The following SETDB1 variants were observed in gnomAD, a reference collection of about 807,000 sequenced individuals.
SETDB1 encodes the protein SET domain bifurcated histone lysine methyltransferase 1, also known as histone-lysine N-methyltransferase SETDB1.
SETDB1 carries 31 observed loss-of-function variants against 137.4 expected under a neutral mutation model. The ratio of observed to expected loss-of-function variants is 0.23; its 90% CI spans 0.17 to 0.30. SETDB1 has a LOEUF of 0.30. Ranked by LOEUF, SETDB1 falls within the 10% of genes least tolerant of loss-of-function variation. The pLI is 1.00. For synonymous variants in SETDB1, 548 were observed against 579.9 expected, an observed-to-expected ratio of 0.95 and a Z score of 0.79; for missense variants, 1,113 against 1,631.5, an observed-to-expected ratio of 0.68 and a Z score of 5.47.
rs746384059 is a variant in SETDB1, at chr1:150,927,835, C to T, written c.121C>T (p.Arg41Trp). 5 of 1,614,174 alleles carry T rather than the reference C, an allele frequency of 3.1e-6. No individual in the cohort carries two copies. The highest frequency in any genetic ancestry group is 4.2e-6 in the Non-Finnish European group (5 of 1,180,038). ...ACTGGGTATCTCTATGGAGGAACTT[C>T]GGCATTTCATCGATGAGGAACTGGA... ...EELGISMEEL[R>W]HFIDEELEKM... The change falls in exon 2 of 22, where the codon CGG becomes TGG. Residue 41 changes from arginine to tryptophan, a missense_variant. Arg to Trp is a moderately radical substitution (Grantham distance 101). Transcript: ENST00000692827.
rs1404775873 is a variant in SETDB1, at chr1:150,959,219, T to C, written c.2375T>C (p.Met792Thr). Reference sequence around the variant, plus strand: ...AAACGCTGCAAATGTGACCCAAACATGTGCACAAACCGGTTGGTGCAACAT... The same window carrying C: ...AAACGCTGCAAATGTGACCCAAACACGTGCACAAACCGGTTGGTGCAACAT... Reference protein sequence around the residue: ...CNKRCKCDPNMCTNRLVQHGL... With the variant: ...CNKRCKCDPNTCTNRLVQHGL... The change falls in exon 15 of 22, where the codon ATG becomes ACG. Residue 792 changes from methionine (M) to threonine (T), a missense_variant. Physicochemically the swap from Met to Thr is moderately conservative, Grantham distance 81. This residue lies in a region of SETDB1 where 81 missense variants were observed against 123.4 expected (regional missense o/e 0.66). Coordinates refer to ENST00000692827, the MANE Select transcript of SETDB1 (RefSeq NM_001366418.1). The C allele has an allele frequency of 6.3e-6, 10 of 1,598,106 alleles. No homozygotes were observed. The highest frequency in any genetic ancestry group is 2.3e-5 in the South Asian group (2 of 87,312).
chr1:150,928,250 G>A, intron 2 of SETDB1: 1 of 407,028 alleles, frequency 2.5e-6, no homozygotes, highest in Non-Finnish European at 4.5e-6. Flanking sequence ...GTAGAGACAG[G>A]GTTTCACCAT....
At chr1:150,955,080 A>G (rs1225992558) in intron 14 of SETDB1, among the ~76,000 whole-genome samples, 5 of 152,232 alleles carry the variant, frequency 3.3e-5, no homozygotes, top group Non-Finnish European at 7.3e-5. Context: ...GGGAGATCAT[A>G]GGATGAATTT....
intron 6 of SETDB1, 78 bp downstream of exon 6, chr1:150,942,766 C>T: frequency 6.3e-7 from 1 of 1,596,788 alleles, no homozygotes; most frequent in South Asian, 1.1e-5. Context: ...TTCCCCATAA[C>T]CTTCCCATTT....
chr1:150,930,331 C>G, intron 3 of SETDB1: 1 of 462,986 alleles, frequency 2.2e-6, no homozygotes, highest in Non-Finnish European at 3.9e-6. Flanking sequence ...CTTTGCTTTC[C>G]TCATTCTGTG....
rs538993878 is a variant in SETDB1, at chr1:150,933,743, A to ATTTTTC, written c.412+3661_412+3666dup. 8.5e-4 allele frequency among the ~76,000 whole-genome samples: 85 copies of ATTTTTC among 100,564 alleles called. 2 individuals carry two copies. The highest frequency in any genetic ancestry group is 2.9e-3 in the African/African-American group (76 of 25,820). 66.0% of individuals were successfully genotyped at this position (100,564 alleles called of 152,430 possible). ...TCAGAAAACCACTGTCATTCTTCTG[A>ATTTTTC]TTTTTCTTTTTCTTTTTCTTTTTCT... is the stretch of plus-strand genomic sequence containing the variant. On this transcript the variant is annotated intron_variant, in intron 3 of 21. Transcript: ENST00000692827.
Position 150,960,890 on chromosome 1 carries a change from C to T in SETDB1, c.2831C>T (p.Thr944Ile), listed in dbSNP as rs966900297. The T allele has an allele frequency of 4.3e-6, 7 of 1,611,924 alleles. No individual in the cohort carries two copies. The highest frequency in any genetic ancestry group is 1.3e-5 in the African/African-American group (1 of 75,002). ...AAAGAGAACGGACTCTCTGAGACAA[C>T]TTCCAAGGACTCCCACCCCCCAGAT... ...GQKENGLSET[T>I]SKDSHPPDLG... The change falls in exon 16 of 22, where the codon ACT becomes ATT. Residue 944 changes from threonine to isoleucine, a missense_variant. Thr to Ile is a moderately conservative substitution (Grantham distance 89). Transcript: ENST00000692827.
intron 3 of SETDB1, among the ~76,000 whole-genome samples, chr1:150,933,045 TTGAA>T (rs57070760): frequency 8.6e-5 from 13 of 151,066 alleles, no homozygotes; most frequent in South Asian, 6.3e-4. Context: ...TTTAGTCTTT[TTGAA>T]TGAATGAATG....
chr1:150,949,572 C>T, intron 12 of SETDB1, 47 bp downstream of exon 12: 1 of 1,570,792 alleles, frequency 6.4e-7, no homozygotes. Context: ...AATGAGTGGT[C>T]ACTGTGTAGG....
chr1:150,945,365 C>T (rs2102701195), intron 9 of SETDB1: 1 of 1,298,770 alleles, frequency 7.7e-7, no homozygotes, highest in Non-Finnish European at 1.0e-6. Flanking sequence ...TAGGAGTATT[C>T]ACATTGTGTG....
At chr1:150,927,283 A>G (rs1669557943) in intron 1 of SETDB1, among the ~76,000 whole-genome samples, 1 of 152,048 alleles carries the variant, frequency 6.6e-6, no homozygotes. Context: ...GCACCACCAC[A>G]CGTGGCTAAT....
intron 15 of SETDB1, 116 bp downstream of exon 15, chr1:150,959,463 G>A: frequency 1.2e-6 from 1 of 821,088 alleles, no homozygotes; most frequent in Non-Finnish European, 2.0e-6. Context: ...AGTAAGAGGA[G>A]GCCAGGGACT....
At chr1:150,926,720 G>A (rs1669533933) in intron 1 of SETDB1, 1 of 532,796 alleles carries the variant, frequency 1.9e-6, no homozygotes, top group Non-Finnish European at 3.8e-6. Flanking sequence ...AGAGGAAAAT[G>A]GAGGCGCTGA....
rs758639919 is a variant in SETDB1, at chr1:150,950,692, A to C, written c.1818A>C (p.Leu606=). ...AGAACCCTCTGCTGGTCCCGTTACT[A>C]TATGACTTCCGGCGGATGACAGCCC... ...RGKNPLLVPL[L]YDFRRMTARR... The change falls in exon 13 of 22, where the codon CTA becomes CTC. Residue 606 remains leucine, a synonymous_variant. Transcript: ENST00000692827. 2 of 1,614,088 alleles carry C rather than the reference A, an allele frequency of 1.2e-6. No homozygotes were observed. Among genetic ancestry groups the C allele is most frequent in the African/African-American group, 2.7e-5 (2 of 74,932 alleles).
At chr1:150,948,343 T>C (rs1670390789) in intron 10 of SETDB1, among the ~76,000 whole-genome samples, 1 of 149,456 alleles carries the variant, frequency 6.7e-6, no homozygotes, top group Non-Finnish European at 1.5e-5. Context: ...CCATCTCAGC[T>C]CACTGCAACC....
intron 3 of SETDB1, among the ~76,000 whole-genome samples, chr1:150,936,642 T>G (rs1669952243): frequency 6.6e-6 from 1 of 152,206 alleles, no homozygotes; most frequent in Admixed American, 6.5e-5. Context: ...GTGTATATAC[T>G]GTAAGAGAGT....
At chr1:150,942,166 C>T (rs1404978168) in intron 5 of SETDB1, among the ~76,000 whole-genome samples, 2 of 148,590 alleles carry the variant, frequency 1.3e-5, no homozygotes, top group East Asian at 2.0e-4. Flanking sequence ...ATTGGCCGGG[C>T]ACAGTGGCTC....
chr1:150,962,826 G>A, intron 18 of SETDB1, 107 bp downstream of exon 18: 1 of 1,464,142 alleles, frequency 6.8e-7, no homozygotes, highest in South Asian at 1.2e-5. Flanking sequence ...TACTTCTTTA[G>A]CCTTGACTTC....
In SETDB1 at chr1:150,950,604, A is replaced by G; in HGVS notation, c.1730A>G (p.His577Arg). The G allele has an allele frequency of 6.2e-7, 1 of 1,613,948 alleles. No homozygotes were observed. The highest frequency in any genetic ancestry group is 8.5e-7 in the Non-Finnish European group (1 of 1,179,920). Residue 577 changes from histidine (H) to arginine (R), a missense_variant, in exon 13 of 22, where the codon CAT becomes CGT. Coordinates refer to ENST00000692827, the MANE Select transcript of SETDB1 (RefSeq NM_001366418.1). ...ATGGAGAAGCTTTTCTACTTACCTC[A>G]TGTCTGCAGCTATACCTGTCTGTCT... ...APMEKLFYLPHVCSYTCLSRV... is the reference protein window; with the variant it reads ...APMEKLFYLPRVCSYTCLSRV...
Sources: gnomAD v4.1 joint callset for allele counts (sites outside exome capture counted in the v4.1 genomes callset) on GRCh38, gnomAD v4.1.1 for gene constraint, gnomAD v4.1.1 regional missense constraint, MANE v1.5 for transcripts, NCBI Gene and HGNC (gene_info 2026-07-23, HGNC 2026-07-21) for gene names.